Variants in DDX54 observed in about 807,000 individuals in gnomAD.
DDX54 encodes DEAD-box helicase 54.
DDX54 carries 67 observed loss-of-function variants against 105.5 expected under a neutral mutation model. That is an observed-to-expected ratio of 0.64 (90% CI 0.52 to 0.78). The LOEUF is 0.78. Among genes scored for constraint, DDX54 ranks in the 30% least tolerant of loss-of-function variants. The pLI is 0.00. For synonymous variants in DDX54, 514 were observed against 509.9 expected, an observed-to-expected ratio of 1.01 and a Z score of -0.11; for missense variants, 1,206 against 1,230.5, an observed-to-expected ratio of 0.98 and a Z score of 0.30.
chr12:113,177,251 C>A, intron 5 of DDX54, 158 bp from the exon 6 acceptor site: 1 of 737,950 alleles, frequency 1.4e-6, no homozygotes, highest in East Asian at 2.6e-5. Context: ...GAGGCAAAGG[C>A]ATTGCCCTGA....
chr12:113,162,011 A>C lies in DDX54; in HGVS notation c.2196-14T>G, dbSNP rs926248658. 6.8e-6 allele frequency: 11 copies of C among 1,611,000 alleles called. No homozygotes were observed. In the East Asian group the frequency reaches 1.1e-4, roughly 16 times the overall value. The stretch of plus-strand genomic sequence containing the variant: ...TTCTTACGGTCCCTGCAGGAGAGGG[A>C]GTTGGGACGGCTGCCGTGGAGGGAA... On this transcript the variant is annotated splice_polypyrimidine_tract_variant and intron_variant, in intron 17 of 19. Transcript: ENST00000306014.
At position 113,162,866 on chromosome 12, in the gene DDX54, C is replaced by T. The variant is rs1952225946; in HGVS notation, c.2195+66G>A. 3.4e-6 allele frequency: 5 copies of T among 1,458,436 alleles called. No homozygotes were observed. The East Asian group carries it at 1.2e-4, about 34-fold the overall frequency. 90.3% of individuals were successfully genotyped at this position (1,458,436 alleles called of 1,614,324 possible). On this transcript the variant is annotated intron_variant, in intron 17 of 19. Transcript: ENST00000306014. ...GGCTCACTCGATCACTCACCCCAGG[C>T]ACGGAGGAGCAGCTCACTCGGTCAC...
intron 19 of DDX54, among the ~76,000 whole-genome samples, chr12:113,160,738 C>T (rs1952193312): frequency 1.3e-5 from 2 of 152,202 alleles, no homozygotes; most frequent in African/African-American, 4.8e-5. Context: ...CTTCTGACTG[C>T]GTCTTTGGTG....
chr12:113,176,738 G>T, intron 7 of DDX54, 102 bp downstream of exon 7: 1 of 1,298,026 alleles, frequency 7.7e-7, no homozygotes, highest in Non-Finnish European at 1.1e-6. Flanking sequence ...TTCGATCTCA[G>T]CCACACAGGG....
Position 113,175,180 on chromosome 12 carries a change from T to G in DDX54, c.753-23A>C, listed in dbSNP as rs767480224. ...AGCCTGGAAGGGTAGAGGGCAGGACTGGGTCAGAGGGGGCCTTCACTCCCT... is the reference window on the plus strand; with the variant it reads ...AGCCTGGAAGGGTAGAGGGCAGGACGGGGTCAGAGGGGGCCTTCACTCCCT... On this transcript the variant is annotated intron_variant, in intron 7 of 19. Coordinates refer to ENST00000306014, the MANE Select transcript of DDX54 (RefSeq NM_024072.4). The G allele has an allele frequency of 3.2e-6, 5 of 1,581,526 alleles. No homozygotes were observed. In the East Asian group the frequency reaches 9.0e-5, roughly 28 times the overall value.
At position 113,177,108 on chromosome 12, in the gene DDX54, A is replaced by C. The variant is rs1952413879; in HGVS notation, c.615-15T>G. ...GGTCTTCCATCCTAGAGAGGAGAGA[A>C]GGGGTTAGCTTGATAGAACAGGTCT... On this transcript the variant is annotated splice_polypyrimidine_tract_variant and intron_variant, in intron 5 of 19. Coordinates refer to ENST00000306014, the MANE Select transcript of DDX54 (RefSeq NM_024072.4). 6.2e-7 allele frequency: 1 copy of C among 1,613,876 alleles called. No homozygotes were observed. The highest frequency in any genetic ancestry group is 2.2e-5 in the East Asian group (1 of 44,888).
In DDX54 at chr12:113,163,351, G is replaced by A; in HGVS notation, c.1939-77C>T. ...CTTCCCCCTGCCTCCCTACCCACCAGCCTGGCCACAGTGAGGGGCCAGTGG... is the reference window on the plus strand; with the variant it reads ...CTTCCCCCTGCCTCCCTACCCACCAACCTGGCCACAGTGAGGGGCCAGTGG... On this transcript the variant is annotated intron_variant, in intron 15 of 19. Transcript: ENST00000306014. This position sits in a 1 kb window ranked among gnomAD's most constrained non-coding sequence, Gnocchi z 5.9. 1.3e-6 allele frequency: 2 copies of A among 1,530,616 alleles called. No homozygotes were observed. Among genetic ancestry groups the A allele is most frequent in the Admixed American group, 2.0e-5 (1 of 50,466 alleles). The allele number at this position is 1,530,616 out of a possible 1,614,324, so 94.8% of individuals were successfully genotyped here. A position where few individuals can be genotyped will look rare whatever the true frequency, so the allele number is the denominator to read the frequency against.
chr12:113,181,292 AT>A (rs771201541), intron 1 of DDX54, among the ~76,000 whole-genome samples: 11,471 of 139,030 alleles, frequency 0.083, 407 homozygotes, highest in East Asian at 0.15. Context: ...AAGTAAGTAC[AT>A]TTTTTTTTTT....
chr12:113,184,538 C>G (rs538019778), intron 1 of DDX54, among the ~76,000 whole-genome samples: 1 of 152,194 alleles, frequency 6.6e-6, no homozygotes, highest in Non-Finnish European at 1.5e-5. Context: ...AAACGGTCAA[C>G]AAACACAAAC....
chr12:113,174,539 T>G, intron 10 of DDX54, 101 bp downstream of exon 10: 1 of 1,497,848 alleles, frequency 6.7e-7, no homozygotes, highest in Non-Finnish European at 9.0e-7. Flanking sequence ...AGGCCCAGGC[T>G]CCTGGTCCGC....
chr12:113,179,877 A>G, intron 3 of DDX54, 58 bp downstream of exon 3: 2 of 1,578,768 alleles, frequency 1.3e-6, no homozygotes, highest in Admixed American at 3.3e-5. Flanking sequence ...AAGGGGCCAG[A>G]GAGGAGGGCC....
rs1367902954 is a variant in DDX54, at chr12:113,158,710, G to C, written c.*167C>G. Reference sequence around the variant, plus strand: ...AATGTCTCTGTCTTAGGCTGACGCAGCTGCTGCCCTTCTGTGGCCATACAG... The same window carrying C: ...AATGTCTCTGTCTTAGGCTGACGCACCTGCTGCCCTTCTGTGGCCATACAG... On this transcript the variant is annotated 3_prime_UTR_variant, in exon 20 of 20. Transcript: ENST00000306014. This position sits in a 1 kb window ranked among gnomAD's most constrained non-coding sequence, Gnocchi z 4.9. 17 of 741,948 alleles carry C rather than the reference G, an allele frequency of 2.3e-5. No individual in the cohort carries two copies. The highest frequency in any genetic ancestry group is 3.4e-4 in the Middle Eastern group (1 of 2,956). The allele number at this position is 741,948 out of a possible 1,614,324, so 46.0% of individuals were successfully genotyped here. A position where few individuals can be genotyped will look rare whatever the true frequency, so the allele number is the denominator to read the frequency against.
chr12:113,172,437 C>A lies in DDX54; in HGVS notation c.1195G>T (p.Ala399Ser), dbSNP rs543939972. Residue 399 changes from alanine to serine, a missense_variant, in exon 11 of 20, where the codon GCC (alanine) becomes TCC (serine). By Grantham distance (99) the Ala-to-Ser change is moderately conservative (BLOSUM62 1). Around this residue, in one of 3 missense-constraint regions of DDX54, gnomAD observed 961 missense variants for 1,019.1 expected, o/e 0.94. Coordinates refer to ENST00000306014, the MANE Select transcript of DDX54 (RefSeq NM_024072.4). ...CSTLIVTDLAARGLDIPLLDN... is the reference protein window; with the variant it reads ...CSTLIVTDLASRGLDIPLLDN... ...AGCAGCGGGATGTCCAGGCCTCGGG[C>A]GGCCAGGTCAGTCACAATGAGAGTG... 6 of 1,614,116 alleles carry A rather than the reference C, an allele frequency of 3.7e-6. No homozygotes were observed. The highest frequency in any genetic ancestry group is 2.2e-5 in the South Asian group (2 of 91,090).
At chr12:113,159,425 G>C (rs1012738177) in intron 19 of DDX54, 1 of 428,612 alleles carries the variant, frequency 2.3e-6, no homozygotes, top group Non-Finnish European at 4.1e-6. Context: ...TGGGTGAAGA[G>C]TAAATGCATT....
At chr12:113,185,008 G>A (rs749315318) in intron 1 of DDX54, among the ~76,000 whole-genome samples, 1 of 152,188 alleles carries the variant, frequency 6.6e-6, no homozygotes, top group African/African-American at 2.4e-5. Flanking sequence ...CGAGCAGGAG[G>A]CAGCCAATGA....
Position 113,174,885 on chromosome 12 carries a change from T to G in DDX54, c.926A>C (p.Glu309Ala). 6.2e-7 allele frequency: 1 copy of G among 1,613,998 alleles called. No homozygotes were observed. The highest frequency in any genetic ancestry group is 8.5e-7 in the Non-Finnish European group (1 of 1,179,956). The change falls in exon 9 of 20, where the codon GAG becomes GCG. Residue 309 changes from glutamate to alanine, a missense_variant. Physicochemically the swap from Glu to Ala is moderately radical, Grantham distance 107. This residue lies in a region of DDX54 where 961 missense variants were observed against 1,019.1 expected (regional missense o/e 0.94). Transcript: ENST00000306014. ...IRLDVDTKLN[E>A]QLKTSFFLVR... ...CAGGTGCAGCCTCACCTTCAGCTGCTCGTTGAGCTTGGTATCCACGTCAAG... is the reference window on the plus strand; with the variant it reads ...CAGGTGCAGCCTCACCTTCAGCTGCGCGTTGAGCTTGGTATCCACGTCAAG...
chr12:113,180,023 C>T lies in DDX54; in HGVS notation c.305-18G>A, dbSNP rs767465937. The stretch of plus-strand genomic sequence containing the variant: ...GCTCAGGCCTGGGAGAGACATGAAA[C>T]GGTCAGGGGGCCGAGGGAGTCCCCA... On this transcript the variant is annotated intron_variant, in intron 2 of 19. Coordinates refer to ENST00000306014, the MANE Select transcript of DDX54 (RefSeq NM_024072.4). 51 of 1,613,718 alleles carry T rather than the reference C, an allele frequency of 3.2e-5. No individual in the cohort carries two copies. The highest frequency in any genetic ancestry group is 4.3e-5 in the Non-Finnish European group (51 of 1,179,920).
intron 14 of DDX54, among the ~76,000 whole-genome samples, 168 bp downstream of exon 14, chr12:113,165,476 A>G (rs567125958): frequency 4.0e-5 from 6 of 149,560 alleles, no homozygotes; most frequent in African/African-American, 1.5e-4. Context: ...TTAAGAAGCT[A>G]TAAGAAGCTC....
chr12:113,177,209 T>G, intron 5 of DDX54, 116 bp from the exon 6 acceptor site: 1 of 1,284,054 alleles, frequency 7.8e-7, no homozygotes, highest in East Asian at 2.3e-5. Context: ...GACCCAAGGC[T>G]TGGAACTGAG....
Sources: allele counts gnomAD v4.1 joint callset (sites outside exome capture counted in the v4.1 genomes callset), GRCh38; gene constraint gnomAD v4.1.1; regional missense constraint gnomAD v4.1.1; non-coding constraint Gnocchi (gnomAD v3.1); transcripts MANE v1.5; gene names NCBI Gene and HGNC (gene_info 2026-07-23, HGNC 2026-07-21).